INPP4B: variants seen among roughly 807,000 people sequenced by gnomAD.
INPP4B encodes inositol polyphosphate 4-phosphatase type II.
In INPP4B, 55 loss-of-function variants were observed where a neutral mutation model predicts 122.5. The ratio of observed to expected loss-of-function variants is 0.45; its 90% CI spans 0.36 to 0.56. INPP4B has a LOEUF of 0.56. INPP4B is among the 20% of genes least tolerant of loss of function. The pLI is 0.00. For synonymous variants in INPP4B, 403 were observed against 388.7 expected (o/e 1.04, Z -0.43); for missense variants, 1,000 against 1,097.7 (o/e 0.91, Z 1.26).
intron 16 of INPP4B, among the ~76,000 whole-genome samples, chr4:142,173,309 T>A (rs1431016108): frequency 6.6e-6 from 1 of 151,564 alleles, no homozygotes; most frequent in Non-Finnish European, 1.5e-5. Flanking sequence ...GAAAATAAAG[T>A]AATTTTCAAA....
intron 10 of INPP4B, among the ~76,000 whole-genome samples, chr4:142,265,339 T>C (rs551825325): frequency 4.1e-4 from 62 of 152,336 alleles, no homozygotes; most frequent in African/African-American, 1.4e-3. Flanking sequence ...TGCAAACCAG[T>C]GAAAGCAATG....
chr4:142,453,560 T>C (rs1301032364), intron 3 of INPP4B, among the ~76,000 whole-genome samples: 2 of 152,180 alleles, frequency 1.3e-5, no homozygotes, highest in Non-Finnish European at 2.9e-5. Context: ...TACATGATTA[T>C]TGTAATTTCA....
chr4:142,835,894 A>G (rs549129013), intron 1 of INPP4B, among the ~76,000 whole-genome samples: 1 of 152,336 alleles, frequency 6.6e-6, no homozygotes, highest in Middle Eastern at 3.4e-3. Context: ...CTGGAGGACC[A>G]TGAGACACCA....
At chr4:142,645,237 G>A (rs967915628) in intron 2 of INPP4B, among the ~76,000 whole-genome samples, 2 of 152,084 alleles carry the variant, frequency 1.3e-5, no homozygotes, top group Admixed American at 1.3e-4. Context: ...TTTAATAAAA[G>A]AAATGCTCTA....
chr4:142,543,582 T>C (rs142495913), intron 2 of INPP4B, among the ~76,000 whole-genome samples: 144 of 152,298 alleles, frequency 9.5e-4, no homozygotes, highest in African/African-American at 3.4e-3. Context: ...AAAATTCAAT[T>C]GTAGAGTCAG....
At chr4:142,648,546 C>A (rs1246117146) in intron 2 of INPP4B, among the ~76,000 whole-genome samples, 1 of 152,190 alleles carries the variant, frequency 6.6e-6, no homozygotes, top group Non-Finnish European at 1.5e-5. Context: ...GGGTCCCACA[C>A]CCACGAAACC....
intron 3 of INPP4B, among the ~76,000 whole-genome samples, chr4:142,439,854 T>C (rs1316003882): frequency 6.6e-6 from 1 of 152,168 alleles, no homozygotes; most frequent in Non-Finnish European, 1.5e-5. Context: ...CTAATTGACA[T>C]ACCTTCAAAT....
intron 15 of INPP4B, among the ~76,000 whole-genome samples, chr4:142,180,890 T>C (rs979948345): frequency 6.6e-6 from 1 of 152,168 alleles, no homozygotes; most frequent in Admixed American, 6.5e-5. Context: ...TGATTCTATT[T>C]TGTAACACAA....
intron 25 of INPP4B, among the ~76,000 whole-genome samples, chr4:142,046,070 T>TG (rs1669656723): frequency 6.6e-6 from 1 of 151,364 alleles, no homozygotes; most frequent in Non-Finnish European, 1.5e-5. Flanking sequence ...TTATTGGTAA[T>TG]AAAAAAATGT....
At chr4:142,281,741 C>T (rs990476270) in intron 9 of INPP4B, among the ~76,000 whole-genome samples, 1 of 151,962 alleles carries the variant, frequency 6.6e-6, no homozygotes, top group African/African-American at 2.4e-5. Flanking sequence ...TACTCTGAAA[C>T]TGAGCAATTC....
At position 142,298,773 on chromosome 4, in the gene INPP4B, C is replaced by T. The variant is rs116919275; in HGVS notation, c.503+6685G>A. 2.0e-3 allele frequency among the ~76,000 whole-genome samples: 308 copies of T among 151,184 alleles called. 10 individuals carry two copies. The East Asian group carries it at 0.047, about 23-fold the overall frequency. Reference sequence around the variant, plus strand: ...ATTCTCTGAAAAATACTTGATATCACGAACACTTCTTCTCAATAATCTCCA... The same window carrying T: ...ATTCTCTGAAAAATACTTGATATCATGAACACTTCTTCTCAATAATCTCCA... On this transcript the variant is annotated intron_variant, in intron 9 of 25. Transcript: ENST00000262992.
At chr4:142,079,390 G>A (rs1772636404) in intron 25 of INPP4B, among the ~76,000 whole-genome samples, 1 of 151,980 alleles carries the variant, frequency 6.6e-6, no homozygotes, top group Admixed American at 6.6e-5. Flanking sequence ...ACTGTCTGAA[G>A]GGTGGGACTT....
At chr4:142,733,999 A>G (rs1723932238) in intron 1 of INPP4B, among the ~76,000 whole-genome samples, 1 of 152,208 alleles carries the variant, frequency 6.6e-6, no homozygotes. Flanking sequence ...AGTATGTACT[A>G]TAGGAAAACA....
chr4:142,571,291 T>TA (rs1732768954), intron 2 of INPP4B, among the ~76,000 whole-genome samples: 1 of 151,978 alleles, frequency 6.6e-6, no homozygotes, highest in Non-Finnish European at 1.5e-5. Flanking sequence ...CTGAGCAATT[T>TA]AAAAAAATGT....
rs1390737836 is a variant in INPP4B at position 142,208,420 on chromosome 4, G to C, written c.1072+5C>G. The C allele has an allele frequency of 6.8e-7, 1 of 1,474,506 alleles. No individual in the cohort carries two copies. The highest frequency in any genetic ancestry group is 9.3e-7 in the Non-Finnish European group (1 of 1,071,826). 91.3% of individuals were successfully genotyped at this position (1,474,506 alleles called of 1,614,324 possible). On this transcript the variant is annotated splice_donor_5th_base_variant and intron_variant, in intron 14 of 25. Coordinates refer to ENST00000262992, the MANE Select transcript of INPP4B (RefSeq NM_001101669.3). ...TGCTATTTTTAAAAGAATAATTTATGATACCTTTCAAGTGAGGGCTGTGTA... is the reference window on the plus strand; with the variant it reads ...TGCTATTTTTAAAAGAATAATTTATCATACCTTTCAAGTGAGGGCTGTGTA...
At chr4:142,388,616 T>C (rs976301347) in intron 7 of INPP4B, among the ~76,000 whole-genome samples, 6 of 152,174 alleles carry the variant, frequency 3.9e-5, no homozygotes, top group Non-Finnish European at 8.8e-5. Flanking sequence ...CTGTTTTGTA[T>C]TGAGTTATCT....
At position 142,572,863 on chromosome 4, in the gene INPP4B, T is replaced by C. The variant is rs200338763; in HGVS notation, c.-190-110137A>G. ...TAGGTACTCAATAGATGTGAATACATATACATATATATGCTTTTATATATT... is the reference window on the plus strand; with the variant it reads ...TAGGTACTCAATAGATGTGAATACACATACATATATATGCTTTTATATATT... On this transcript the variant is annotated intron_variant, in intron 2 of 25. Transcript: ENST00000262992. 6.6e-5 allele frequency among the ~76,000 whole-genome samples: 10 copies of C among 151,232 alleles called. No individual in the cohort carries two copies. The East Asian group carries it at 2.0e-3, about 30-fold the overall frequency.
At chr4:142,489,909 T>C (rs1209229840) in intron 2 of INPP4B, among the ~76,000 whole-genome samples, 1 of 152,210 alleles carries the variant, frequency 6.6e-6, no homozygotes, top group Admixed American at 6.5e-5. Context: ...AAGTTCACTT[T>C]GTCTGATAGT....
intron 22 of INPP4B, among the ~76,000 whole-genome samples, chr4:142,109,092 C>T (rs1788674200): frequency 6.6e-6 from 1 of 151,982 alleles, no homozygotes; most frequent in Admixed American, 6.6e-5. Context: ...CTCTTTTCCT[C>T]ACCTTACCCA....
Sources: gnomAD v4.1 joint callset for allele counts (sites outside exome capture counted in the v4.1 genomes callset) on GRCh38, gnomAD v4.1.1 for gene constraint, MANE v1.5 for transcripts, NCBI Gene and HGNC (gene_info 2026-07-23, HGNC 2026-07-21) for gene names.